Variants in BTG4 observed in about 807,000 individuals in gnomAD.
BTG4 encodes BTG anti-proliferation factor 4.
A neutral mutation model predicts 19.3 loss-of-function variants in BTG4; 10 were observed. The ratio of observed to expected loss-of-function variants is 0.52; its 90% CI spans 0.32 to 0.88. The LOEUF (loss-of-function observed/expected upper bound fraction) is 0.88. BTG4 is among the 40% of genes least tolerant of loss of function. BTG4 has a pLI of 0.04. For missense variants in BTG4, 238 were observed against 281.9 expected, an observed-to-expected ratio of 0.84 and a Z score of 1.11; for synonymous variants, 91 against 95.7, an observed-to-expected ratio of 0.95 and a Z score of 0.29.
the BTG4 span, among the ~76,000 whole-genome samples, chr11:111,435,306 G>A: frequency 3.3e-5 from 5 of 152,090 alleles, no homozygotes; most frequent in South Asian, 2.1e-4. Context: ...GAAAGCACTC[G>A]GGGGTAGTGA....
At chr11:111,484,136 A>G (rs946842227) in intron 5 of BTG4, among the ~76,000 whole-genome samples, 2 of 152,184 alleles carry the variant, frequency 1.3e-5, no homozygotes, top group Non-Finnish European at 2.9e-5. Flanking sequence ...TTATTCTTCA[A>G]ACATGAAGGA....
the BTG4 span, among the ~76,000 whole-genome samples, chr11:111,451,585 A>T: frequency 6.6e-6 from 1 of 152,078 alleles, no homozygotes; most frequent in East Asian, 1.9e-4. Flanking sequence ...ACCAACATGG[A>T]GAAACCCTGT....
At chr11:111,431,612 A>C in the BTG4 span, among the ~76,000 whole-genome samples, 2 of 152,130 alleles carry the variant, frequency 1.3e-5, no homozygotes, top group Non-Finnish European at 2.9e-5. Context: ...ACTGATTCAC[A>C]TAATATACGG....
At chr11:111,411,931 A>G in the BTG4 span, among the ~76,000 whole-genome samples, 1 of 152,278 alleles carries the variant, frequency 6.6e-6, no homozygotes, top group South Asian at 2.1e-4. Context: ...ATACATGAGA[A>G]CCCCAGAAGG....
intron 5 of BTG4, among the ~76,000 whole-genome samples, chr11:111,476,528 A>G (rs906814468): frequency 7.9e-5 from 12 of 152,190 alleles, no homozygotes; most frequent in Non-Finnish European, 1.2e-4. Flanking sequence ...TCAAGTCACT[A>G]CATCTAACTC....
chr11:111,435,053 C>T, the BTG4 span: 1 of 152,422 alleles, frequency 6.6e-6, no homozygotes, highest in Admixed American at 6.5e-5. Context: ...CTGGTGCAGG[C>T]TTCCCCAGGG....
the BTG4 span, among the ~76,000 whole-genome samples, chr11:111,388,340 T>G: frequency 6.6e-6 from 1 of 151,906 alleles, no homozygotes; most frequent in Admixed American, 6.6e-5. Context: ...TGTGTGTTTT[T>G]TTTTTTTTAA....
At chr11:111,497,948 A>C in intron 3 of BTG4, 50 bp downstream of exon 3, 2 of 1,587,472 alleles carry the variant, frequency 1.3e-6, no homozygotes, top group East Asian at 2.2e-5. Flanking sequence ...AAGTTGTCTA[A>C]CTTAAGGTTT....
At chr11:111,391,565 G>A in the BTG4 span, among the ~76,000 whole-genome samples, 1 of 152,096 alleles carries the variant, frequency 6.6e-6, no homozygotes, top group Non-Finnish European at 1.5e-5. Context: ...GCGGAGTTAT[G>A]CCTGAGGCCT....
intron 1 of BTG4, among the ~76,000 whole-genome samples, chr11:111,508,277 T>G (rs1023560517): frequency 6.6e-6 from 1 of 152,126 alleles, no homozygotes; most frequent in African/African-American, 2.4e-5. Context: ...CCTCTTCTAA[T>G]CTATGCTACT....
the BTG4 span, among the ~76,000 whole-genome samples, chr11:111,399,936 C>T: frequency 1.3e-5 from 2 of 152,076 alleles, no homozygotes; most frequent in Non-Finnish European, 2.9e-5. Context: ...CCTGCATCAT[C>T]CTAAGTATGG....
chr11:111,467,662 CAG>C (rs1185805582), exon 6 of BTG4: 2 of 768,568 alleles, frequency 2.6e-6, no homozygotes, highest in Non-Finnish European at 4.8e-6. Context: ...AATTCATTCC[CAG>C]ATGTGGGTTA....
the BTG4 span, among the ~76,000 whole-genome samples, chr11:111,425,057 G>A: frequency 6.6e-6 from 1 of 152,188 alleles, no homozygotes; most frequent in Non-Finnish European, 1.5e-5. Context: ...AGGTCCTTCT[G>A]TACAATCATA....
chr11:111,430,622 A>G, the BTG4 span, among the ~76,000 whole-genome samples: 2 of 152,230 alleles, frequency 1.3e-5, no homozygotes, highest in East Asian at 3.8e-4. Context: ...CACCATTACC[A>G]TCTTGACTTT....
the BTG4 span, among the ~76,000 whole-genome samples, chr11:111,443,655 G>C: frequency 2.6e-4 from 39 of 152,314 alleles, 1 homozygote; most frequent in South Asian, 8.1e-3. Context: ...CCACCTGTCA[G>C]ACCAGTGGAA....
chr11:111,437,220 T>C, the BTG4 span, among the ~76,000 whole-genome samples: 1 of 151,854 alleles, frequency 6.6e-6, no homozygotes, highest in Non-Finnish European at 1.5e-5. Context: ...TTCCATCCAC[T>C]ACACCCCCTC....
intron 5 of BTG4, among the ~76,000 whole-genome samples, chr11:111,484,994 C>T (rs1199167621): frequency 6.6e-6 from 1 of 152,024 alleles, no homozygotes; most frequent in Non-Finnish European, 1.5e-5. Flanking sequence ...GATTTCAAGA[C>T]AAAAACTGTA....
chr11:111,404,600 A>AC, the BTG4 span: 2 of 456,150 alleles, frequency 4.4e-6, no homozygotes, highest in South Asian at 3.1e-5. Flanking sequence ...AGGGTAACAG[A>AC]CCCCACATTG....
the BTG4 span, among the ~76,000 whole-genome samples, chr11:111,443,027 G>C: frequency 1.3e-5 from 2 of 152,186 alleles, no homozygotes; most frequent in Admixed American, 6.5e-5. Context: ...CGCTACCTCA[G>C]CCAGGTGATC....
Sources: gnomAD v4.1 joint callset for allele counts (sites outside exome capture counted in the v4.1 genomes callset) on GRCh38, gnomAD v4.1.1 for gene constraint, MANE v1.5 for transcripts, NCBI Gene and HGNC (gene_info 2026-07-23, HGNC 2026-07-21) for gene names.